Variants in SETBP1 observed in about 807,000 individuals in gnomAD.
SETBP1 encodes SET binding protein 1.
In SETBP1, 9 loss-of-function variants were observed where a neutral mutation model predicts 101.0. The observed-to-expected ratio is 0.09, with a 90% CI of 0.05 to 0.16. The LOEUF (loss-of-function observed/expected upper bound fraction) is 0.16, where lower values mean the gene tolerates loss of function less well. Ranked by LOEUF, SETBP1 falls within the 10% of genes least tolerant of loss-of-function variation. The pLI, the probability that SETBP1 is intolerant of heterozygous loss-of-function variation, is 1.00. For missense variants in SETBP1, 1,858 were observed against 2,033.8 expected, an observed-to-expected ratio of 0.91 and a Z score of 1.66; for synonymous variants, 818 against 788.5, an observed-to-expected ratio of 1.04 and a Z score of -0.63.
intron 4 of SETBP1, among the ~76,000 whole-genome samples, chr18:45,028,669 C>A (rs1014264705): frequency 6.6e-5 from 10 of 152,168 alleles, no homozygotes; most frequent in South Asian, 4.1e-4. Flanking sequence ...CTCTCCAGCA[C>A]CTGTTGTTTC....
chr18:44,704,268 A>G (rs1192692224), intron 2 of SETBP1, among the ~76,000 whole-genome samples: 2 of 152,192 alleles, frequency 1.3e-5, no homozygotes, highest in Non-Finnish European at 2.9e-5. Flanking sequence ...TTCACCCAAG[A>G]AGCTGGATGC....
chr18:44,748,354 C>T (rs896779692), intron 2 of SETBP1, among the ~76,000 whole-genome samples: 1 of 152,138 alleles, frequency 6.6e-6, no homozygotes, highest in African/African-American at 2.4e-5. Flanking sequence ...ACATGTAGGC[C>T]TAGAGAGGCA....
chr18:44,834,426 C>T (rs374993274), intron 2 of SETBP1, among the ~76,000 whole-genome samples: 6 of 152,202 alleles, frequency 3.9e-5, no homozygotes, highest in South Asian at 2.1e-4. Context: ...GATTATAAAA[C>T]GGTAATGGCC....
chr18:44,718,252 G>A (rs562964149), intron 2 of SETBP1, among the ~76,000 whole-genome samples: 12 of 152,302 alleles, frequency 7.9e-5, no homozygotes, highest in African/African-American at 2.4e-4. Flanking sequence ...GCAGGTGCAG[G>A]TCAGACCCTG....
chr18:45,020,095 G>A (rs919724145), intron 4 of SETBP1, among the ~76,000 whole-genome samples: 4 of 151,520 alleles, frequency 2.6e-5, no homozygotes, highest in East Asian at 1.9e-4. Flanking sequence ...TCATATAATC[G>A]TTTGGTCTTC....
At chr18:44,694,650 G>C (rs2068985746) in intron 1 of SETBP1, among the ~76,000 whole-genome samples, 2 of 152,176 alleles carry the variant, frequency 1.3e-5, no homozygotes, top group Non-Finnish European at 2.9e-5. Flanking sequence ...TATGGTCTCT[G>C]GTAAGAGGAG....
At chr18:45,022,778 C>A (rs912972476) in intron 4 of SETBP1, among the ~76,000 whole-genome samples, 3 of 151,744 alleles carry the variant, frequency 2.0e-5, no homozygotes, top group Non-Finnish European at 2.9e-5. Context: ...TGCAGTGAGC[C>A]GAGATCACAC....
chr18:45,049,499 T>A (rs1361876074), intron 5 of SETBP1, among the ~76,000 whole-genome samples: 1 of 152,232 alleles, frequency 6.6e-6, no homozygotes, highest in Non-Finnish European at 1.5e-5. Context: ...AAGATTTACA[T>A]AATAATCAAG....
At chr18:44,722,740 T>C (rs1364621846) in intron 2 of SETBP1, among the ~76,000 whole-genome samples, 1 of 152,232 alleles carries the variant, frequency 6.6e-6, no homozygotes, top group African/African-American at 2.4e-5. Context: ...GATTCCCATC[T>C]GAGTGCTTGT....
chr18:44,764,763 C>T (rs1010861623), intron 2 of SETBP1, among the ~76,000 whole-genome samples: 10 of 152,156 alleles, frequency 6.6e-5, no homozygotes, highest in African/African-American at 1.9e-4. Context: ...TGAGCCACCG[C>T]GCCCGGCCAT....
intron 4 of SETBP1, among the ~76,000 whole-genome samples, chr18:45,020,258 TAAAAAAAAAAAAAAAA>T (rs57134217): frequency 1.4e-3 from 75 of 53,084 alleles, no homozygotes; most frequent in African/African-American, 2.6e-3. Context: ...GACTCTGTCT[TAAAAAAAAAAAAAAAA>T]AAAAAAAAAA....
At chr18:45,048,325 A>C (rs1049527168) in intron 5 of SETBP1, among the ~76,000 whole-genome samples, 2 of 152,226 alleles carry the variant, frequency 1.3e-5, no homozygotes, top group Admixed American at 1.3e-4. Context: ...TAGCAGATGA[A>C]AACACCAATC....
chr18:44,804,084 A>G (rs2071673491), intron 2 of SETBP1, among the ~76,000 whole-genome samples: 1 of 152,148 alleles, frequency 6.6e-6, no homozygotes, highest in South Asian at 2.1e-4. Context: ...TTGGCAAACC[A>G]GTTGCCCAAA....
chr18:44,931,659 CT>C (rs1378293025), intron 3 of SETBP1, among the ~76,000 whole-genome samples: 1 of 152,160 alleles, frequency 6.6e-6, no homozygotes. Context: ...ATAGTTAGCT[CT>C]TCTTGTTGAG....
At chr18:44,943,728 A>T (rs2071137315) in intron 3 of SETBP1, among the ~76,000 whole-genome samples, 1 of 152,146 alleles carries the variant, frequency 6.6e-6, no homozygotes, top group Admixed American at 6.5e-5. Context: ...AGGTCTGAGC[A>T]CTTGCTTCTA....
At chr18:44,830,602 G>A (rs2072341526) in intron 2 of SETBP1, among the ~76,000 whole-genome samples, 1 of 152,172 alleles carries the variant, frequency 6.6e-6, no homozygotes, top group African/African-American at 2.4e-5. Flanking sequence ...TGATTGTGCA[G>A]TGCAAACTTT....
intron 2 of SETBP1, among the ~76,000 whole-genome samples, chr18:44,788,790 ATTTT>A (rs34929410): frequency 2.5e-5 from 2 of 80,422 alleles, no homozygotes; most frequent in Non-Finnish European, 4.4e-5. Context: ...TTCCTTTTTA[ATTTT>A]TTTTTTTTTT....
chr18:44,867,570 G>A (rs2069156039), intron 2 of SETBP1, among the ~76,000 whole-genome samples: 2 of 152,202 alleles, frequency 1.3e-5, no homozygotes, highest in Non-Finnish European at 2.9e-5. Context: ...CAGGGACAAA[G>A]TCTATCATTA....
intron 2 of SETBP1, among the ~76,000 whole-genome samples, chr18:44,823,769 AG>A (rs2072169786): frequency 6.6e-6 from 1 of 152,232 alleles, no homozygotes; most frequent in Non-Finnish European, 1.5e-5. Context: ...AAGATCTGTG[AG>A]ATCAGTCCCC....
Sources: gnomAD v4.1 joint callset for allele counts (sites outside exome capture counted in the v4.1 genomes callset) on GRCh38, gnomAD v4.1.1 for gene constraint, MANE v1.5 for transcripts, NCBI Gene and HGNC (gene_info 2026-07-23, HGNC 2026-07-21) for gene names.